The following MRC1 variants were observed in gnomAD, a reference collection of about 807,000 sequenced individuals.
The protein encoded by MRC1 is macrophage mannose receptor 1.
MRC1 carries 62 observed loss-of-function variants against 102.9 expected under a neutral mutation model. That is an observed-to-expected ratio of 0.60 (90% CI 0.49 to 0.74). MRC1 has a LOEUF of 0.74. MRC1 is among the 30% of genes least tolerant of loss of function. The pLI, the probability that MRC1 is intolerant of heterozygous loss-of-function variation, is 0.00. For synonymous variants in MRC1, 457 were observed against 298.4 expected, an observed-to-expected ratio of 1.53 and a Z score of -5.48; for missense variants, 1,237 against 862.8, an observed-to-expected ratio of 1.43 and a Z score of -5.43.
chr10:17,861,190 G>A (rs1833179488), intron 9 of MRC1, among the ~76,000 whole-genome samples, 197 bp from the exon 10 acceptor site: 2 of 152,150 alleles, frequency 1.3e-5, no homozygotes, highest in Admixed American at 1.3e-4. Context: ...GCACGTGCCT[G>A]TAATTCCAGC....
In MRC1 at chr10:17,809,509, G is replaced by C; in HGVS notation, c.44G>C (p.Gly15Ala). 1 of 872,792 alleles carries C rather than the reference G, an allele frequency of 1.1e-6. No individual in the cohort carries two copies. The allele number at this position is 872,792 out of a possible 1,614,324, so 54.1% of individuals were successfully genotyped here. Residue 15 changes from glycine to alanine, a missense_variant, in exon 1 of 30, where the codon GGT becomes GCT. Physicochemically the swap from Gly to Ala is moderately conservative, Grantham distance 60 (BLOSUM62 0). Transcript: ENST00000569591. ...LLLVFASVIP[G>A]AVLLLDTRQF... ...CTGGTTTTTGCCTCTGTCATTCCGG[G>C]TGCTGTTCTCCTACTGGGTAAGTCT... is the stretch of plus-strand genomic sequence containing the variant.
intron 2 of MRC1, among the ~76,000 whole-genome samples, chr10:17,824,246 G>C (rs928490331): frequency 0.013 from 2,024 of 152,254 alleles, 59 homozygotes; most frequent in African/African-American, 0.045. Context: ...CAACTTGAAG[G>C]CTTGTTACAA....
intron 18 of MRC1, 141 bp downstream of exon 18, chr10:17,878,108 G>A: frequency 6.5e-6 from 4 of 617,172 alleles, no homozygotes; most frequent in East Asian, 2.8e-5. Flanking sequence ...CTTGAAAAAA[G>A]GAATTTAAAA....
chr10:17,898,007 G>C, intron 23 of MRC1, 27 bp from the exon 24 acceptor site: 1 of 780,758 alleles, frequency 1.3e-6, no homozygotes, highest in South Asian at 1.3e-5. Context: ...TATTGATAAT[G>C]CTAATGAAAA....
intron 15 of MRC1, among the ~76,000 whole-genome samples, chr10:17,872,662 C>T (rs1164800366): frequency 6.6e-6 from 1 of 152,164 alleles, no homozygotes. Flanking sequence ...TTATCTGTGG[C>T]CTCTGATGCT....
chr10:17,878,821 C>A (rs1365934885), intron 18 of MRC1, among the ~76,000 whole-genome samples: 3 of 152,230 alleles, frequency 2.0e-5, no homozygotes, highest in Non-Finnish European at 4.4e-5. Flanking sequence ...CACCACCATA[C>A]CCCACAGGGT....
At chr10:17,909,778 C>T (rs1297945713) in intron 29 of MRC1, among the ~76,000 whole-genome samples, 2 of 151,114 alleles carry the variant, frequency 1.3e-5, no homozygotes, top group African/African-American at 2.4e-5. Flanking sequence ...CCTGTAACCT[C>T]CTTATTAACA....
At chr10:17,863,033 C>T (rs1833207029) in intron 10 of MRC1, 2 of 156,182 alleles carry the variant, frequency 1.3e-5, no homozygotes, top group Non-Finnish European at 2.8e-5. Context: ...TGATAATTTT[C>T]TCTTTTGTTT....
At chr10:17,857,924 G>T (rs1038024971) in intron 9 of MRC1, among the ~76,000 whole-genome samples, 8 of 152,088 alleles carry the variant, frequency 5.3e-5, no homozygotes, top group African/African-American at 1.9e-4. Flanking sequence ...AATAGTCCAG[G>T]ATTCCTGACA....
At chr10:17,826,840 G>T (rs1838483182) in intron 2 of MRC1, among the ~76,000 whole-genome samples, 1 of 152,190 alleles carries the variant, frequency 6.6e-6, no homozygotes, top group Non-Finnish European at 1.5e-5. Flanking sequence ...GTATATAACA[G>T]TTTTGAGTGG....
At chr10:17,843,826 G>T (rs1246046259) in intron 5 of MRC1, among the ~76,000 whole-genome samples, 1 of 152,120 alleles carries the variant, frequency 6.6e-6, no homozygotes, top group Non-Finnish European at 1.5e-5. Context: ...ACTTTGTGGA[G>T]CAGGTAATAT....
intron 1 of MRC1, among the ~76,000 whole-genome samples, chr10:17,816,439 G>A (rs992982700): frequency 4.6e-5 from 7 of 152,154 alleles, no homozygotes; most frequent in Admixed American, 1.3e-4. Flanking sequence ...TCTGGGCGAC[G>A]GTGTGGAATG....
chr10:17,834,143 C>T (rs1395674844), intron 4 of MRC1, among the ~76,000 whole-genome samples: 4 of 152,158 alleles, frequency 2.6e-5, no homozygotes, highest in Non-Finnish European at 4.4e-5. Context: ...TTCTTGGACG[C>T]AAGGCAGTGG....
chr10:17,828,948 A>T (rs1838526053), intron 3 of MRC1, among the ~76,000 whole-genome samples: 1 of 151,442 alleles, frequency 6.6e-6, no homozygotes, highest in Admixed American at 6.6e-5. Context: ...TATTCCTCTT[A>T]GCTTCACGTT....
rs199643443 is a variant in MRC1, at chr10:17,813,701, T to TATATATATA, written c.61+4175_61+4176insATATATATA. Among the ~76,000 whole-genome samples the TATATATATA allele has an allele frequency of 8.0e-4, 86 of 107,264 alleles. 1 individual carries two copies. The East Asian group carries it at 8.5e-3, about 11-fold the overall frequency. 70.4% of individuals were successfully genotyped at this position (107,264 alleles called of 152,430 possible). A position where few individuals can be genotyped will look rare whatever the true frequency, so the allele number is the denominator to read the frequency against. ...CACACATTATATATATATATATATA[T>TATATATATA]TTTTTTTTTTTTTTGAGACAGGGTC... On this transcript the variant is annotated intron_variant, in intron 1 of 29. Coordinates refer to ENST00000569591, the MANE Select transcript of MRC1 (RefSeq NM_002438.4).
At chr10:17,829,075 C>T (rs1458664127) in intron 3 of MRC1, among the ~76,000 whole-genome samples, 3 of 151,474 alleles carry the variant, frequency 2.0e-5, no homozygotes, top group Non-Finnish European at 2.9e-5. Context: ...TCCTGGTTAT[C>T]ACCCAGAACT....
chr10:17,825,448 G>C (rs1838460682), intron 2 of MRC1, among the ~76,000 whole-genome samples: 1 of 152,096 alleles, frequency 6.6e-6, no homozygotes, highest in African/African-American at 2.4e-5. Flanking sequence ...AACAGAGTTA[G>C]TTAATAAAGC....
chr10:17,893,108 C>G lies in MRC1; in HGVS notation c.3148-1102C>G, dbSNP rs940411869. ...AAAGTGATTTGACCAGGTCTCTTGT[C>G]TTTATTTCTGGCTTCCCTCAGCCCT... On this transcript the variant is annotated intron_variant, in intron 22 of 29. Coordinates refer to ENST00000569591, the MANE Select transcript of MRC1 (RefSeq NM_002438.4). Among the ~76,000 whole-genome samples the G allele has an allele frequency of 6.0e-3, 908 of 152,122 alleles. 27 individuals carry two copies. The South Asian group carries it at 0.077, about 13-fold the overall frequency.
chr10:17,890,383 TA>T (rs1474137465), intron 22 of MRC1, among the ~76,000 whole-genome samples: 10 of 152,228 alleles, frequency 6.6e-5, no homozygotes, highest in Non-Finnish European at 1.3e-4. Context: ...TGGGAAATTC[TA>T]AGTCATTATT....
Sources: allele counts gnomAD v4.1 joint callset (sites outside exome capture counted in the v4.1 genomes callset), GRCh38; gene constraint gnomAD v4.1.1; transcripts MANE v1.5; gene names NCBI Gene and HGNC (gene_info 2026-07-23, HGNC 2026-07-21).